Variants in ARFGAP1 observed in about 807,000 individuals in gnomAD.
The protein encoded by ARFGAP1 is ARF GTPase activating protein 1.
In ARFGAP1, 26 loss-of-function variants were observed where a neutral mutation model predicts 54.0. That is an observed-to-expected ratio of 0.48 (90% CI 0.35 to 0.67). The LOEUF (loss-of-function observed/expected upper bound fraction) is 0.67, where lower values mean the gene tolerates loss of function less well. Ranked by LOEUF, ARFGAP1 falls within the 30% of genes least tolerant of loss-of-function variation. The probability of loss-of-function intolerance (pLI) is 0.00; values close to 1 mark genes in which losing one functional copy is unlikely to be tolerated. For missense variants in ARFGAP1, 525 were observed against 535.8 expected (o/e 0.98, Z 0.20); for synonymous variants, 248 against 211.9 (o/e 1.17, Z -1.48).
At chr20:63,283,593 AC>A in intron 9 of ARFGAP1, 1 of 495,018 alleles carries the variant, frequency 2.0e-6, no homozygotes. Flanking sequence ...CCACGTGCCC[AC>A]CCCCAGCTGC....
At chr20:63,281,236 C>T (rs1027964040) in intron 7 of ARFGAP1, 55 bp from the exon 8 acceptor site, 19 of 1,541,154 alleles carry the variant, frequency 1.2e-5, no homozygotes, top group East Asian at 7.1e-5. Context: ...CTCTGCTCAG[C>T]GCCGGGTTCC....
chr20:63,287,605 A>G lies in ARFGAP1; in HGVS notation c.953A>G (p.His318Arg), dbSNP rs776947387. The G allele has an allele frequency of 1.2e-6, 2 of 1,610,590 alleles. No individual in the cohort carries two copies. Among genetic ancestry groups the G allele is most frequent in the Non-Finnish European group, 1.7e-6 (2 of 1,178,306 alleles). Residue 318 changes from histidine (H) to arginine (R), a missense_variant, in exon 13 of 13, where the codon CAC becomes CGC. His to Arg is a conservative substitution (Grantham distance 29). This residue lies in a region of ARFGAP1 where 466 missense variants were observed against 453.6 expected (regional missense o/e 1.03). Transcript: ENST00000370283. Reference protein sequence around the residue: ...GHSYQNSGLDHFQNSNIDQSF... With the variant: ...GHSYQNSGLDRFQNSNIDQSF... Reference sequence around the variant, plus strand: ...AGTTATCAGAACAGCGGTCTGGACCACTTCCAAAACAGCAACATAGACCAG... The same window carrying G: ...AGTTATCAGAACAGCGGTCTGGACCGCTTCCAAAACAGCAACATAGACCAG...
At chr20:63,281,925 C>G (rs1441495209) in intron 8 of ARFGAP1, among the ~76,000 whole-genome samples, 1 of 152,116 alleles carries the variant, frequency 6.6e-6, no homozygotes, top group Non-Finnish European at 1.5e-5. Flanking sequence ...AGCTGGGTGC[C>G]TGCAGCTGCC....
chr20:63,276,490 T>C lies in ARFGAP1; in HGVS notation c.181T>C (p.Ser61Pro). 6.2e-7 allele frequency: 1 copy of C among 1,612,292 alleles called. No individual in the cohort carries two copies. The highest frequency in any genetic ancestry group is 8.5e-7 in the Non-Finnish European group (1 of 1,178,942). Residue 61 changes from serine to proline, a missense_variant, in exon 4 of 13, where the codon TCT becomes CCT. By Grantham distance (74) the Ser-to-Pro change is moderately conservative. Coordinates refer to ENST00000370283, the MANE Select transcript of ARFGAP1 (RefSeq NM_018209.4). This position sits in a 1 kb window ranked among gnomAD's most constrained non-coding sequence, Gnocchi z 5.2. ...GLGVHLSFVR[S>P]VTMDKWKDIE... is the part of the protein sequence containing the mutation. ...TCCTCTGCTTTCCAGCTTTGTGCGCTCTGTTACTATGGACAAGTGGAAGGA... is the reference window on the plus strand; with the variant it reads ...TCCTCTGCTTTCCAGCTTTGTGCGCCCTGTTACTATGGACAAGTGGAAGGA...
At position 63,281,309 on chromosome 20, in the gene ARFGAP1, A is replaced by G. The variant is rs2067374635; in HGVS notation, c.646A>G (p.Thr216Ala). 5.6e-6 allele frequency: 9 copies of G among 1,602,020 alleles called. No homozygotes were observed. The East Asian group carries it at 1.6e-4, about 28-fold the overall frequency. ...CCCTCAGGGCTGGAGCAGCTTCACC[A>G]CTGGAGCCAGCCGGTTTGCCTCGGC... ...SLYSGWSSFT[T>A]GASRFASAAK... Residue 216 changes from threonine (T) to alanine (A), a missense_variant, in exon 8 of 13, where the codon ACT becomes GCT. Coordinates refer to ENST00000370283, the MANE Select transcript of ARFGAP1 (RefSeq NM_018209.4).
intron 12 of ARFGAP1, 39 bp downstream of exon 12, chr20:63,286,481 C>G: frequency 6.3e-7 from 1 of 1,583,426 alleles, no homozygotes; most frequent in Non-Finnish European, 8.6e-7. Flanking sequence ...ATCCCACTCC[C>G]CTGCCTTGGC....
intron 1 of ARFGAP1, chr20:63,273,536 A>G (rs569874714): frequency 2.0e-5 from 3 of 152,332 alleles, no homozygotes; most frequent in African/African-American, 4.8e-5. Flanking sequence ...CTTTCGTGTT[A>G]CTAACTTTAA....
chr20:63,286,487 T>C (rs2067554216), intron 12 of ARFGAP1, 45 bp downstream of exon 12: 2 of 1,576,388 alleles, frequency 1.3e-6, no homozygotes, highest in Non-Finnish European at 1.7e-6. Flanking sequence ...CTCCCCTGCC[T>C]TGGCCACTCC....
chr20:63,285,577 G>A, intron 10 of ARFGAP1, 77 bp from the exon 11 acceptor site: 1 of 1,495,602 alleles, frequency 6.7e-7, no homozygotes, highest in Non-Finnish European at 9.3e-7. Context: ...CCCTCACCCG[G>A]GGGATTCCTG....
chr20:63,281,976 G>A lies in ARFGAP1; in HGVS notation c.684+629G>A, dbSNP rs141338450. Among the ~76,000 whole-genome samples the A allele has an allele frequency of 3.0e-4, 45 of 152,328 alleles. 1 individual carries two copies. Among genetic ancestry groups the A allele is most frequent in the African/African-American group, 9.1e-4 (38 of 41,574 alleles). ...GGCACCTAGGGTGGGGCTCTTGTGA[G>A]TGGAAGTCACGGTGCGCACCTGTCA... On this transcript the variant is annotated intron_variant, in intron 8 of 12. Coordinates refer to ENST00000370283, the MANE Select transcript of ARFGAP1 (RefSeq NM_018209.4).
rs982317528 is a variant in ARFGAP1 at position 63,285,048 on chromosome 20, A to G, written c.774+126A>G. Reference sequence around the variant, plus strand: ...TCAGCGAGGCCAAGCCTCACACCCCACCTCTCCAGCACAGGCGTCCTCCTC... The same window carrying G: ...TCAGCGAGGCCAAGCCTCACACCCCGCCTCTCCAGCACAGGCGTCCTCCTC... On this transcript the variant is annotated intron_variant, in intron 10 of 12. Coordinates refer to ENST00000370283, the MANE Select transcript of ARFGAP1 (RefSeq NM_018209.4). 1.2e-4 allele frequency: 135 copies of G among 1,139,636 alleles called. 1 individual carries two copies. The highest frequency in any genetic ancestry group is 2.6e-4 in the Admixed American group (13 of 49,838). 70.6% of individuals were successfully genotyped at this position (1,139,636 alleles called of 1,614,324 possible).
At chr20:63,284,688 C>G in intron 9 of ARFGAP1, 178 bp from the exon 10 acceptor site, 1 of 1,445,840 alleles carries the variant, frequency 6.9e-7, no homozygotes, top group Non-Finnish European at 9.1e-7. Flanking sequence ...AGGTGGCGGC[C>G]TACTGCCCTT....
At chr20:63,284,606 G>T (rs2067475975) in intron 9 of ARFGAP1, 2 of 1,337,232 alleles carry the variant, frequency 1.5e-6, no homozygotes, top group Non-Finnish European at 1.9e-6. Context: ...CCGCATGGTG[G>T]CGCGTGAGGG....
In ARFGAP1 at chr20:63,276,377, G is replaced by A. The variant is rs2067238157; in HGVS notation, c.171-103G>A. On this transcript the variant is annotated intron_variant, in intron 3 of 12. Transcript: ENST00000370283. This position sits in a 1 kb window ranked among gnomAD's most constrained non-coding sequence, Gnocchi z 5.2. Reference sequence around the variant, plus strand: ...CAGCTGCTGGCCACTCAGCCTCCCTGCGGCTGCTGCTTGCTGTGTCTAATT... The same window carrying A: ...CAGCTGCTGGCCACTCAGCCTCCCTACGGCTGCTGCTTGCTGTGTCTAATT... The A allele has an allele frequency of 6.8e-7, 1 of 1,479,196 alleles. No individual in the cohort carries two copies. Among genetic ancestry groups the A allele is most frequent in the South Asian group, 1.3e-5 (1 of 78,840 alleles). 91.6% of individuals were successfully genotyped at this position (1,479,196 alleles called of 1,614,324 possible).
At position 63,276,221 on chromosome 20, in the gene ARFGAP1, G is replaced by A. The variant is rs371116840; in HGVS notation, c.170+21G>A. 5.0e-6 allele frequency: 8 copies of A among 1,611,818 alleles called. No individual in the cohort carries two copies. In the African/African-American group the frequency reaches 1.1e-4, roughly 21 times the overall value. ...CTCAGGTCAGTGTCCTGCCGCTCTG[G>A]CTCTGCGGAGAGCCTGCGGCCACCC... On this transcript the variant is annotated intron_variant, in intron 3 of 12. Coordinates refer to ENST00000370283, the MANE Select transcript of ARFGAP1 (RefSeq NM_018209.4). The surrounding 1 kb of genome is among the most constrained non-coding windows in gnomAD (Gnocchi z 5.2).
At chr20:63,282,996 C>T in intron 9 of ARFGAP1, 145 bp downstream of exon 9, 3 of 877,510 alleles carry the variant, frequency 3.4e-6, no homozygotes, top group South Asian at 1.5e-5. Context: ...GGGGGTGTTC[C>T]TGCCATGCTG....
At chr20:63,284,041 C>T (rs973073180) in intron 9 of ARFGAP1, 3 of 1,446,304 alleles carry the variant, frequency 2.1e-6, no homozygotes, top group African/African-American at 2.8e-5. Flanking sequence ...CCTTTAAGAT[C>T]CAGGATCTGC....
chr20:63,283,948 C>T (rs182220114), intron 9 of ARFGAP1: 41 of 1,602,618 alleles, frequency 2.6e-5, no homozygotes, highest in Non-Finnish European at 3.2e-5. Context: ...CTTCCTCTGT[C>T]CCTCCTGCGT....
chr20:63,282,948 A>C (rs2067425208), intron 9 of ARFGAP1, 97 bp downstream of exon 9: 9 of 1,343,170 alleles, frequency 6.7e-6, no homozygotes, highest in South Asian at 5.9e-5. Context: ...CCCTCTTCTC[A>C]GGCCACATGC....
Sources: allele counts gnomAD v4.1 joint callset (sites outside exome capture counted in the v4.1 genomes callset), GRCh38; gene constraint gnomAD v4.1.1; regional missense constraint gnomAD v4.1.1; non-coding constraint Gnocchi (gnomAD v3.1); transcripts MANE v1.5; gene names NCBI Gene and HGNC (gene_info 2026-07-23, HGNC 2026-07-21).